Variants in MLPH observed in about 807,000 individuals in gnomAD.
MLPH encodes melanophilin.
MLPH carries 51 observed loss-of-function variants against 72.1 expected under a neutral mutation model. The ratio of observed to expected loss-of-function variants is 0.71; its 90% CI spans 0.56 to 0.89. The LOEUF (loss-of-function observed/expected upper bound fraction) is 0.89, where lower values mean the gene tolerates loss of function less well. MLPH is among the 40% of genes least tolerant of loss of function. The pLI is 0.00. For missense variants in MLPH, 743 were observed against 759.9 expected (o/e 0.98, Z 0.26); for synonymous variants, 301 against 310.1 (o/e 0.97, Z 0.31).
At chr2:237,533,247 A>G (rs1410207923) in intron 8 of MLPH, among the ~76,000 whole-genome samples, 1 of 152,146 alleles carries the variant, frequency 6.6e-6, no homozygotes, top group Non-Finnish European at 1.5e-5. Context: ...TTTCCATTTC[A>G]AAAACACAGT....
rs936987559 is a variant in MLPH at position 237,527,192 on chromosome 2, A to C, written c.881-185A>C. The C allele has an allele frequency of 2.4e-5, 17 of 714,678 alleles. No individual in the cohort carries two copies. The Admixed American group carries it at 2.7e-4, about 11-fold the overall frequency. The allele number at this position is 714,678 out of a possible 1,614,324, so 44.3% of individuals were successfully genotyped here. A position where few individuals can be genotyped will look rare whatever the true frequency, so the allele number is the denominator to read the frequency against. Reference sequence around the variant, plus strand: ...CAGGCAAGGTCCTCTTTTTTCCTGAAGATCTTTGTGTGTGGCTGTGGAATC... The same window carrying C: ...CAGGCAAGGTCCTCTTTTTTCCTGACGATCTTTGTGTGTGGCTGTGGAATC... On this transcript the variant is annotated intron_variant, in intron 7 of 15. Transcript: ENST00000264605.
chr2:237,531,890 G>T (rs757021252), intron 8 of MLPH, among the ~76,000 whole-genome samples: 2 of 151,930 alleles, frequency 1.3e-5, no homozygotes, highest in Non-Finnish European at 2.9e-5. Flanking sequence ...AATCCTGTTT[G>T]GTCTTAATTA....
At chr2:237,528,907 G>C (rs564961257) in intron 8 of MLPH, among the ~76,000 whole-genome samples, 2 of 152,212 alleles carry the variant, frequency 1.3e-5, no homozygotes, top group South Asian at 4.1e-4. Flanking sequence ...ATGCTTCTGA[G>C]GTCCATCCAT....
chr2:237,507,694 A>G (rs556603032), intron 2 of MLPH, among the ~76,000 whole-genome samples: 17 of 152,370 alleles, frequency 1.1e-4, no homozygotes, highest in African/African-American at 3.8e-4. Flanking sequence ...TCAAGCTCAC[A>G]GCAGGCGATA....
chr2:237,497,523 C>T (rs1407651171), intron 2 of MLPH, among the ~76,000 whole-genome samples: 2 of 152,190 alleles, frequency 1.3e-5, no homozygotes, highest in African/African-American at 2.4e-5. Context: ...ACTTGAGCAC[C>T]GCAAGGTCAA....
intron 2 of MLPH, among the ~76,000 whole-genome samples, chr2:237,498,611 A>T (rs2079584226): frequency 6.6e-6 from 1 of 152,210 alleles, no homozygotes; most frequent in African/African-American, 2.4e-5. Flanking sequence ...CACACGCCTG[A>T]CAAGGCTCTC....
At chr2:237,526,736 G>A (rs1384178791) in intron 7 of MLPH, among the ~76,000 whole-genome samples, 2 of 152,138 alleles carry the variant, frequency 1.3e-5, no homozygotes, top group East Asian at 1.9e-4. Context: ...TCTCACACAC[G>A]TTCTTTTTAC....
intron 6 of MLPH, among the ~76,000 whole-genome samples, chr2:237,520,413 C>T (rs2080155628): frequency 6.6e-6 from 1 of 151,890 alleles, no homozygotes; most frequent in East Asian, 1.9e-4. Context: ...GCTGTGATGC[C>T]TACATCTCCG....
chr2:237,493,421 G>A lies in MLPH; in HGVS notation c.-6G>A. ...ATTCCAGGTGTGACCCCGACAAGAA[G>A]CAGAAATGGGGAAGAAACTGGATCT... On this transcript the variant is annotated 5_prime_UTR_variant, in exon 2 of 16. Transcript: ENST00000264605. The A allele has an allele frequency of 1.2e-6, 2 of 1,612,380 alleles. No individual in the cohort carries two copies. Among genetic ancestry groups the A allele is most frequent in the Non-Finnish European group, 1.7e-6 (2 of 1,178,510 alleles).
At chr2:237,549,347 C>G in intron 14 of MLPH, 69 bp downstream of exon 14, 2 of 1,331,896 alleles carry the variant, frequency 1.5e-6, no homozygotes. Flanking sequence ...AATGACCAGT[C>G]GCAGCTCTGT....
At chr2:237,509,676 C>T (rs1480459767) in intron 2 of MLPH, among the ~76,000 whole-genome samples, 5 of 152,188 alleles carry the variant, frequency 3.3e-5, no homozygotes, top group African/African-American at 9.7e-5. Context: ...GATTTCGTGT[C>T]CATCTCAGTG....
Position 237,487,286 on chromosome 2 carries a change from C to T in MLPH, c.-176C>T, listed in dbSNP as rs1388708820. 3 of 152,352 alleles carry T rather than the reference C, an allele frequency of 2.0e-5. No homozygotes were observed. The highest frequency in any genetic ancestry group is 7.2e-5 in the African/African-American group (3 of 41,464). 9.4% of individuals were successfully genotyped at this position (152,352 alleles called of 1,614,324 possible). ...CTGCCCCGGAGAGCCAGGCGCTAAC[C>T]AGCCGCTCTGCGCCCCGCGCCCTGC... On this transcript the variant is annotated 5_prime_UTR_variant, in exon 1 of 16. Coordinates refer to ENST00000264605, the MANE Select transcript of MLPH (RefSeq NM_024101.7).
At chr2:237,499,479 C>T (rs1016692536) in intron 2 of MLPH, among the ~76,000 whole-genome samples, 4 of 152,092 alleles carry the variant, frequency 2.6e-5, no homozygotes, top group African/African-American at 9.7e-5. Flanking sequence ...TAAAAGTATG[C>T]TCACCTGTTG....
At chr2:237,531,310 G>GGTAGCCAGGATAGAGACATCTCTGGT (rs2080416047) in intron 8 of MLPH, among the ~76,000 whole-genome samples, 1 of 151,860 alleles carries the variant, frequency 6.6e-6, no homozygotes. Context: ...GGAGGACTAG[G>GGTAGCCAGGATAGAGACATCTCTGGT]GTGGCCAGGA....
At chr2:237,529,145 C>A (rs1264870980) in intron 8 of MLPH, among the ~76,000 whole-genome samples, 1 of 152,028 alleles carries the variant, frequency 6.6e-6, no homozygotes, top group Admixed American at 6.6e-5. Context: ...TGGGTTCAAG[C>A]GATTCTCCTG....
chr2:237,506,913 T>A (rs2079784506), intron 2 of MLPH, among the ~76,000 whole-genome samples: 1 of 152,140 alleles, frequency 6.6e-6, no homozygotes, highest in African/African-American at 2.4e-5. Flanking sequence ...GCTGTAGTAT[T>A]TGAAGAAAAT....
chr2:237,508,539 A>G (rs573731672), intron 2 of MLPH, among the ~76,000 whole-genome samples: 14 of 152,306 alleles, frequency 9.2e-5, no homozygotes, highest in Non-Finnish European at 1.9e-4. Context: ...TCAAAGAGCA[A>G]AGAAAAGGCA....
chr2:237,548,225 C>G (rs2080959438), intron 13 of MLPH, among the ~76,000 whole-genome samples: 1 of 152,238 alleles, frequency 6.6e-6, no homozygotes, highest in Non-Finnish European at 1.5e-5. Context: ...GGTGGGGGCG[C>G]TTCCACCTTT....
Position 237,510,709 on chromosome 2 carries a change from G to T in MLPH, c.246G>T (p.Leu82=). 1.2e-6 allele frequency: 2 copies of T among 1,613,720 alleles called. No homozygotes were observed. Among genetic ancestry groups the T allele is most frequent in the Non-Finnish European group, 1.7e-6 (2 of 1,180,042 alleles). The part of the protein sequence containing the change: ...QLLVNSKRQC[L]ECGLFTCKSC... ...TTGTGAATAGCAAAAGGCAGTGCCT[G>T]GAATGTGGCCTCTTCACCTGCAAAA... Residue 82 remains leucine (L), a synonymous_variant, in exon 3 of 16, where the codon CTG becomes CTT. Coordinates refer to ENST00000264605, the MANE Select transcript of MLPH (RefSeq NM_024101.7). The surrounding 1 kb of genome is among the most constrained non-coding windows in gnomAD (Gnocchi z 4.4).
Sources: gnomAD v4.1 joint callset for allele counts (sites outside exome capture counted in the v4.1 genomes callset) on GRCh38, gnomAD v4.1.1 for gene constraint, Gnocchi (gnomAD v3.1) non-coding constraint, MANE v1.5 for transcripts, NCBI Gene and HGNC (gene_info 2026-07-23, HGNC 2026-07-21) for gene names.